The following ATOX1 variants were observed in gnomAD, a reference collection of about 807,000 sequenced individuals.
ATOX1 encodes the protein antioxidant 1 copper chaperone, also known as copper transport protein ATOX1.
ATOX1 carries 4 observed loss-of-function variants against 7.3 expected under a neutral mutation model. That is an observed-to-expected ratio of 0.55 (90% CI 0.27 to 1.25). The LOEUF is 1.25. Among genes scored for constraint, ATOX1 ranks in the 50% most tolerant of loss-of-function variants. The probability of loss-of-function intolerance (pLI) is 0.12; values close to 1 mark genes in which losing one functional copy is unlikely to be tolerated. For missense variants in ATOX1, 68 were observed against 81.6 expected (o/e 0.83, Z 0.64); for synonymous variants, 25 against 28.7 (o/e 0.87, Z 0.41).
intron 1 of ATOX1, 97 bp from the exon 2 acceptor site, chr5:151,751,876 G>A: frequency 8.1e-7 from 1 of 1,234,852 alleles, no homozygotes. Flanking sequence ...ACAGAAGACA[G>A]AGAGACTGGG....
intron 2 of ATOX1, among the ~76,000 whole-genome samples, chr5:151,751,132 T>C (rs1049813787): frequency 3.3e-5 from 5 of 151,820 alleles, no homozygotes; most frequent in Non-Finnish European, 7.4e-5. Flanking sequence ...GGTGCATGCC[T>C]GTAATCCCAG....
intron 2 of ATOX1, among the ~76,000 whole-genome samples, chr5:151,747,733 C>G (rs369075351): frequency 2.0e-5 from 3 of 152,286 alleles, no homozygotes; most frequent in African/African-American, 7.2e-5. Context: ...GGATTACAGG[C>G]ATGAGCCACC....
At chr5:151,750,663 TG>T (rs1473224707) in intron 2 of ATOX1, among the ~76,000 whole-genome samples, 1 of 146,682 alleles carries the variant, frequency 6.8e-6, no homozygotes, top group Non-Finnish European at 1.5e-5. Context: ...TTTTTTTTTT[TG>T]GAGACAGGGT....
chr5:151,754,976 C>T (rs1288842863), intron 1 of ATOX1, among the ~76,000 whole-genome samples: 3 of 130,126 alleles, frequency 2.3e-5, no homozygotes, highest in Admixed American at 8.4e-5. Context: ...AGCGAGACAC[C>T]GTCCAAAAAA....
At chr5:151,757,525 C>T (rs1336590988) in intron 1 of ATOX1, among the ~76,000 whole-genome samples, 1 of 152,250 alleles carries the variant, frequency 6.6e-6, no homozygotes. Flanking sequence ...GCCTCAGGCT[C>T]ACCTGCCAGC....
intron 2 of ATOX1, among the ~76,000 whole-genome samples, chr5:151,749,570 GAA>G (rs940407687): frequency 7.3e-5 from 11 of 150,354 alleles, no homozygotes; most frequent in African/African-American, 2.4e-4. Context: ...AGAATCGCTT[GAA>G]CCCGGGGCAG....
intron 3 of ATOX1, chr5:151,745,205 C>A (rs1264531264): frequency 6.6e-6 from 1 of 152,170 alleles, no homozygotes; most frequent in Non-Finnish European, 1.5e-5. Flanking sequence ...AGAGGACCTA[C>A]CAGTCAGTGT....
At chr5:151,748,450 G>A (rs1022687588) in intron 2 of ATOX1, among the ~76,000 whole-genome samples, 1 of 152,024 alleles carries the variant, frequency 6.6e-6, no homozygotes, top group African/African-American at 2.4e-5. Context: ...AGGGCCATAA[G>A]CAACTCAAAA....
intron 2 of ATOX1, among the ~76,000 whole-genome samples, chr5:151,748,783 C>T (rs1761908904): frequency 6.6e-6 from 1 of 152,048 alleles, no homozygotes; most frequent in South Asian, 2.1e-4. Context: ...ATCACTTGAA[C>T]CTGGGAGGCA....
intron 3 of ATOX1, chr5:151,743,666 T>G (rs1206790256): frequency 6.6e-6 from 1 of 152,196 alleles, no homozygotes; most frequent in Non-Finnish European, 1.5e-5. Context: ...ATAATCTGGG[T>G]GTTTCATCAC....
intron 2 of ATOX1, among the ~76,000 whole-genome samples, chr5:151,750,622 T>A (rs1235248753): frequency 2.7e-5 from 4 of 150,232 alleles, no homozygotes; most frequent in African/African-American, 9.7e-5. Context: ...TACCTTTTTT[T>A]AAATCTTTCC....
intron 2 of ATOX1, among the ~76,000 whole-genome samples, chr5:151,747,313 TCTCA>T (rs1429549976): frequency 6.6e-6 from 1 of 151,908 alleles, no homozygotes; most frequent in African/African-American, 2.4e-5. Flanking sequence ...AGAGACAGGG[TCTCA>T]CTGTGTTATA....
intron 3 of ATOX1, chr5:151,743,555 T>TTCCAAACAATACATGG (rs1347712499): frequency 1.3e-5 from 2 of 152,208 alleles, no homozygotes; most frequent in Admixed American, 6.5e-5. Flanking sequence ...CAATACATGG[T>TTCCAAACAATACATGG]TACTGAAATA....
intron 2 of ATOX1, among the ~76,000 whole-genome samples, chr5:151,747,522 C>T (rs908442708): frequency 6.6e-6 from 1 of 151,436 alleles, no homozygotes; most frequent in Non-Finnish European, 1.5e-5. Context: ...TAGGCTCAAG[C>T]GATCCGCCTG....
chr5:151,752,953 G>A (rs148618477), intron 1 of ATOX1, among the ~76,000 whole-genome samples: 25 of 152,272 alleles, frequency 1.6e-4, no homozygotes, highest in Non-Finnish European at 3.2e-4. Flanking sequence ...TGGTCTGTGT[G>A]TCTTATAGAA....
chr5:151,758,596 G>C lies in ATOX1; in HGVS notation c.-45C>G. The stretch of plus-strand genomic sequence containing the variant: ...TGGCGGCGGTGTGGCGGCGGTGTCA[G>C]CAGCGCCTCTCTGGATTCGGAGGGC... On this transcript the variant is annotated 5_prime_UTR_variant, in exon 1 of 4. Coordinates refer to ENST00000313115, the MANE Select transcript of ATOX1 (RefSeq NM_004045.4). 7.2e-7 allele frequency: 1 copy of C among 1,392,728 alleles called. No individual in the cohort carries two copies. Among genetic ancestry groups the C allele is most frequent in the Non-Finnish European group, 9.4e-7 (1 of 1,066,416 alleles). 86.3% of individuals were successfully genotyped at this position (1,392,728 alleles called of 1,614,324 possible). A position where few individuals can be genotyped will look rare whatever the true frequency, so the allele number is the denominator to read the frequency against.
rs542535699 is a variant in ATOX1 at position 151,755,844 on chromosome 5, C to G, written c.6+2702G>C. On this transcript the variant is annotated intron_variant, in intron 1 of 3. Coordinates refer to ENST00000313115, the MANE Select transcript of ATOX1 (RefSeq NM_004045.4). ...ACTGGGTAGTTCTGGTTCCTCATGG[C>G]CTCTGGGGTCTTTTATAAAGACTTA... Among the ~76,000 whole-genome samples the G allele has an allele frequency of 2.0e-5, 3 of 152,166 alleles. No homozygotes were observed. The East Asian group carries it at 5.8e-4, about 29-fold the overall frequency.
At chr5:151,753,134 G>A (rs1274625878) in intron 1 of ATOX1, among the ~76,000 whole-genome samples, 1 of 152,174 alleles carries the variant, frequency 6.6e-6, no homozygotes, top group Non-Finnish European at 1.5e-5. Flanking sequence ...GTGAGAGATT[G>A]AACCCTCGAG....
intron 1 of ATOX1, among the ~76,000 whole-genome samples, chr5:151,754,403 G>A (rs1166846284): frequency 1.3e-5 from 2 of 152,046 alleles, no homozygotes; most frequent in Non-Finnish European, 2.9e-5. Context: ...GAGGTCACAA[G>A]TTTGAGACCA....
Sources: gnomAD v4.1 joint callset for allele counts (sites outside exome capture counted in the v4.1 genomes callset) on GRCh38, gnomAD v4.1.1 for gene constraint, MANE v1.5 for transcripts, NCBI Gene and HGNC (gene_info 2026-07-23, HGNC 2026-07-21) for gene names.